GALNT10: variants seen among roughly 807,000 people sequenced by gnomAD.
The protein encoded by GALNT10 is GalNAc transferase 10.
Under a neutral mutation model 75.0 loss-of-function variants are expected in GALNT10, and 41 were observed. That is an observed-to-expected ratio of 0.55 (90% confidence interval 0.43 to 0.71). The LOEUF is 0.71. GALNT10 is among the 30% of genes least tolerant of loss of function. The probability of loss-of-function intolerance (pLI) is 0.00; values close to 1 mark genes in which losing one functional copy is unlikely to be tolerated. For synonymous variants in GALNT10, 302 were observed against 313.0 expected (o/e 0.96, Z 0.37); for missense variants, 727 against 818.5 (o/e 0.89, Z 1.36).
At position 154,305,381 on chromosome 5, in the gene GALNT10, G is replaced by A. The variant is rs1490087476; in HGVS notation, c.401+7302G>A. On this transcript the variant is annotated intron_variant, in intron 3 of 11. Coordinates refer to ENST00000297107, the MANE Select transcript of GALNT10 (RefSeq NM_198321.4). ...GACCATATCAATAATCACATTAAAT[G>A]TAAATGCTCTAATTATTCTGGTTAA... Among the ~76,000 whole-genome samples, 9 of 151,808 alleles carry A rather than the reference G, an allele frequency of 5.9e-5. No individual in the cohort carries two copies. The East Asian group carries it at 1.7e-3, about 29-fold the overall frequency.
chr5:154,369,186 G>A (rs970940181), intron 4 of GALNT10, among the ~76,000 whole-genome samples: 22 of 152,080 alleles, frequency 1.4e-4, no homozygotes, highest in Non-Finnish European at 5.9e-5. Flanking sequence ...TCAGAAGTTC[G>A]AGACCAGCCT....
chr5:154,403,839 T>C (rs1756218022), intron 7 of GALNT10: 2 of 487,908 alleles, frequency 4.1e-6, no homozygotes, highest in East Asian at 4.0e-5. Context: ...ACCTACTTTA[T>C]AGGTTTTCTG....
In GALNT10 at chr5:154,333,089, G is replaced by A. The variant is rs186039624; in HGVS notation, c.568+3351G>A. 4.4e-4 allele frequency among the ~76,000 whole-genome samples: 67 copies of A among 152,330 alleles called. No individual in the cohort carries two copies. The South Asian group carries it at 8.3e-3, about 19-fold the overall frequency. On this transcript the variant is annotated intron_variant, in intron 4 of 11. Coordinates refer to ENST00000297107, the MANE Select transcript of GALNT10 (RefSeq NM_198321.4). ...TGTGAGAAGTATGGAGAACCTCACA[G>A]GCACATGTGGGGTTCAGGTGCCTCT...
intron 1 of GALNT10, among the ~76,000 whole-genome samples, chr5:154,247,560 C>T (rs1010893865): frequency 3.3e-5 from 5 of 151,680 alleles, no homozygotes; most frequent in Non-Finnish European, 7.4e-5. Flanking sequence ...GTATTTTATT[C>T]TCTTTGAAGC....
chr5:154,236,627 G>A (rs1395410088), intron 1 of GALNT10, among the ~76,000 whole-genome samples: 4 of 152,216 alleles, frequency 2.6e-5, no homozygotes, highest in African/African-American at 9.6e-5. Flanking sequence ...GAATCAGGAT[G>A]TAATTTATGG....
Position 154,409,577 on chromosome 5 carries a change from T to C in GALNT10, c.1201T>C (p.Tyr401His), listed in dbSNP as rs1166579379. 1 of 1,613,728 alleles carries C rather than the reference T, an allele frequency of 6.2e-7. No homozygotes were observed. The highest frequency in any genetic ancestry group is 8.5e-7 in the Non-Finnish European group (1 of 1,179,804). Residue 401 changes from tyrosine to histidine, a missense_variant, in exon 9 of 12, where the codon TAC becomes CAC. Tyr to His is a moderately conservative substitution (Grantham distance 83). Transcript: ENST00000297107. This position sits in a 1 kb window ranked among gnomAD's most constrained non-coding sequence, Gnocchi z 4.5. The part of the protein sequence containing the change: ...KRVAEVWMDE[Y>H]AEYIYQRRPE... Reference sequence around the variant, plus strand: ...GGTGGCCGAAGTGTGGATGGATGAGTACGCAGAGTACATTTACCAGCGCCG... The same window carrying C: ...GGTGGCCGAAGTGTGGATGGATGAGCACGCAGAGTACATTTACCAGCGCCG...
At chr5:154,334,656 T>C (rs1011921927) in intron 4 of GALNT10, among the ~76,000 whole-genome samples, 1 of 152,186 alleles carries the variant, frequency 6.6e-6, no homozygotes, top group African/African-American at 2.4e-5. Context: ...AATGATGAGG[T>C]ACAAAAGTGA....
At chr5:154,279,390 G>A (rs1211279505) in intron 1 of GALNT10, among the ~76,000 whole-genome samples, 5 of 143,830 alleles carry the variant, frequency 3.5e-5, no homozygotes, top group African/African-American at 7.9e-5. Flanking sequence ...CACAACCTCC[G>A]CCTCCCAGGT....
intron 1 of GALNT10, among the ~76,000 whole-genome samples, chr5:154,283,841 C>G (rs1247140920): frequency 1.3e-5 from 2 of 152,220 alleles, no homozygotes; most frequent in Non-Finnish European, 2.9e-5. Flanking sequence ...ACCAGGTGTA[C>G]TTGGAAATTC....
rs1200754006 is a variant in GALNT10 at position 154,409,619 on chromosome 5, C to A, written c.1243C>A (p.Leu415Ile). The change falls in exon 9 of 12, where the codon CTC becomes ATC. Residue 415 changes from leucine to isoleucine, a missense_variant. Physicochemically the swap from Leu to Ile is conservative, Grantham distance 5 (BLOSUM62 2). Coordinates refer to ENST00000297107, the MANE Select transcript of GALNT10 (RefSeq NM_198321.4). This position sits in a 1 kb window ranked among gnomAD's most constrained non-coding sequence, Gnocchi z 4.5. ...CCAGCGCCGGCCTGAATACCGCCAC[C>A]TCTCCGCTGGGGATGTCGCAGTCCA... is the stretch of plus-strand genomic sequence containing the variant. ...IYQRRPEYRH[L>I]SAGDVAVQKK... 2 of 1,613,406 alleles carry A rather than the reference C, an allele frequency of 1.2e-6. No homozygotes were observed. The highest frequency in any genetic ancestry group is 1.7e-6 in the Non-Finnish European group (2 of 1,179,448).
At chr5:154,258,764 C>T (rs1369207880) in intron 1 of GALNT10, among the ~76,000 whole-genome samples, 1 of 152,154 alleles carries the variant, frequency 6.6e-6, no homozygotes, top group Non-Finnish European at 1.5e-5. Context: ...CTATTTGAAA[C>T]TCATGGCTTT....
intron 1 of GALNT10, among the ~76,000 whole-genome samples, chr5:154,240,213 A>G (rs1753309386): frequency 6.6e-6 from 1 of 152,232 alleles, no homozygotes; most frequent in African/African-American, 2.4e-5. Flanking sequence ...ACACAAAAAT[A>G]ACCCTCAAAT....
chr5:154,247,524 C>T (rs1310420174), intron 1 of GALNT10, among the ~76,000 whole-genome samples: 1 of 152,108 alleles, frequency 6.6e-6, no homozygotes, highest in Non-Finnish European at 1.5e-5. Flanking sequence ...AGAGGTCCTT[C>T]ACATCCTTGT....
chr5:154,386,351 G>A lies in GALNT10; in HGVS notation c.977G>A (p.Arg326Gln), dbSNP rs377526323. Residue 326 changes from arginine (R) to glutamine (Q), a missense_variant, in exon 7 of 12, where the codon CGG becomes CAG. Coordinates refer to ENST00000297107, the MANE Select transcript of GALNT10 (RefSeq NM_198321.4). Reference sequence around the variant, plus strand: ...GCCGGTGGACTGTTCGCCGTGGATCGGAAGTGGTTCTGGGAACTCGGCGGG... The same window carrying A: ...GCCGGTGGACTGTTCGCCGTGGATCAGAAGTGGTTCTGGGAACTCGGCGGG... Reference protein sequence around the residue: ...VMAGGLFAVDRKWFWELGGYD... With the variant: ...VMAGGLFAVDQKWFWELGGYD... 47 of 1,613,968 alleles carry A rather than the reference G, an allele frequency of 2.9e-5. No individual in the cohort carries two copies. Among genetic ancestry groups the A allele is most frequent in the Middle Eastern group, 3.3e-4 (2 of 6,078 alleles).
At chr5:154,351,017 T>C (rs1435087297) in intron 4 of GALNT10, among the ~76,000 whole-genome samples, 1 of 152,238 alleles carries the variant, frequency 6.6e-6, no homozygotes, top group African/African-American at 2.4e-5. Flanking sequence ...CTGTGAGAAC[T>C]ACTGTTGTAG....
chr5:154,345,154 C>G (rs1755101631), intron 4 of GALNT10, among the ~76,000 whole-genome samples: 1 of 152,100 alleles, frequency 6.6e-6, no homozygotes, highest in Non-Finnish European at 1.5e-5. Flanking sequence ...CCCCCACCCC[C>G]ACATATGATT....
At chr5:154,328,285 A>G (rs1036537539) in intron 3 of GALNT10, among the ~76,000 whole-genome samples, 1 of 152,180 alleles carries the variant, frequency 6.6e-6, no homozygotes, top group Non-Finnish European at 1.5e-5. Flanking sequence ...TTATAATGGT[A>G]TGAAAGACGC....
intron 3 of GALNT10, among the ~76,000 whole-genome samples, chr5:154,303,541 C>T (rs1334837864): frequency 1.3e-5 from 2 of 152,086 alleles, no homozygotes; most frequent in African/African-American, 4.8e-5. Flanking sequence ...TCACTCAGGG[C>T]CAAAAATAGT....
chr5:154,388,030 G>A (rs1458796468), intron 7 of GALNT10: 1 of 151,584 alleles, frequency 6.6e-6, no homozygotes, highest in Non-Finnish European at 1.5e-5. Context: ...TCAGCCTCCT[G>A]AGTAGCTGGG....
Sources: gnomAD v4.1 joint callset for allele counts (sites outside exome capture counted in the v4.1 genomes callset) on GRCh38, gnomAD v4.1.1 for gene constraint, Gnocchi (gnomAD v3.1) non-coding constraint, MANE v1.5 for transcripts, NCBI Gene and HGNC (gene_info 2026-07-23, HGNC 2026-07-21) for gene names.